The following GABRA2 variants were observed in gnomAD, a reference collection of about 807,000 sequenced individuals.
GABRA2 encodes gamma-aminobutyric acid receptor subunit alpha-2.
GABRA2 carries 16 observed loss-of-function variants against 48.7 expected under a neutral mutation model. The observed-to-expected ratio is 0.33, with a 90% CI of 0.22 to 0.50. The LOEUF (loss-of-function observed/expected upper bound fraction) is 0.50. Ranked by LOEUF, GABRA2 falls within the 20% of genes least tolerant of loss-of-function variation. The pLI, the probability that GABRA2 is intolerant of heterozygous loss-of-function variation, is 0.98. For missense variants in GABRA2, 275 were observed against 535.6 expected, an observed-to-expected ratio of 0.51 and a Z score of 4.80; for synonymous variants, 185 against 184.5, an observed-to-expected ratio of 1.00 and a Z score of -0.02.
At chr4:46,378,060 A>T (rs1329454240) in intron 3 of GABRA2, among the ~76,000 whole-genome samples, 7 of 150,948 alleles carry the variant, frequency 4.6e-5, no homozygotes, top group African/African-American at 1.7e-4. Context: ...CCACCCGGCC[A>T]GCCGCCCCAT....
intron 4 of GABRA2, among the ~76,000 whole-genome samples, chr4:46,330,723 A>G (rs1034324087): frequency 4.6e-5 from 7 of 151,862 alleles, no homozygotes; most frequent in Admixed American, 3.3e-4. Context: ...AAATGTACTG[A>G]TATTTGGGAG....
chr4:46,256,974 A>T (rs1193593215), intron 9 of GABRA2, among the ~76,000 whole-genome samples: 5 of 151,772 alleles, frequency 3.3e-5, no homozygotes, highest in Admixed American at 2.0e-4. Context: ...TCACTGACTC[A>T]GATTTAGAAT....
chr4:46,288,764 G>T (rs755898902), intron 8 of GABRA2, among the ~76,000 whole-genome samples: 1 of 151,944 alleles, frequency 6.6e-6, no homozygotes, highest in Non-Finnish European at 1.5e-5. Context: ...AACTATCAAC[G>T]GAGTGAAAAG....
chr4:46,260,915 C>T (rs935769406), intron 9 of GABRA2: 11 of 151,768 alleles, frequency 7.2e-5, no homozygotes, highest in African/African-American at 2.4e-4. Flanking sequence ...ACATTTACTG[C>T]TTGTATATTT....
At chr4:46,314,431 A>G (rs1728198501) in intron 4 of GABRA2, among the ~76,000 whole-genome samples, 1 of 152,080 alleles carries the variant, frequency 6.6e-6, no homozygotes, top group African/African-American at 2.4e-5. Context: ...TACAAACAGG[A>G]AGTTGCAAGT....
intron 4 of GABRA2, among the ~76,000 whole-genome samples, chr4:46,319,927 C>T (rs1160694478): frequency 6.6e-6 from 1 of 151,428 alleles, no homozygotes; most frequent in Admixed American, 6.6e-5. Context: ...CAAAATTATA[C>T]CAATTTCACA....
chr4:46,250,131 G>A lies in GABRA2; in HGVS notation c.*177C>T, dbSNP rs1714447325. The A allele has an allele frequency of 1.8e-6, 1 of 549,144 alleles. No homozygotes were observed. Among genetic ancestry groups the A allele is most frequent in the East Asian group, 2.9e-5 (1 of 34,656 alleles). The allele number at this position is 549,144 out of a possible 1,614,324, so 34.0% of individuals were successfully genotyped here. On this transcript the variant is annotated 3_prime_UTR_variant, in exon 10 of 10. Transcript: ENST00000381620. ...TTTTCGCATGGAGTGCTTTCTGTCT[G>A]CAGTTCCATGAGTTAGCAAATGCAT...
chr4:46,304,668 G>A (rs375143577), intron 7 of GABRA2, among the ~76,000 whole-genome samples: 20 of 151,998 alleles, frequency 1.3e-4, no homozygotes, highest in African/African-American at 3.6e-4. Context: ...ACTGGCTCAC[G>A]TCTGTAATCC....
chr4:46,360,566 G>T (rs1182643521), intron 3 of GABRA2, among the ~76,000 whole-genome samples: 2 of 152,252 alleles, frequency 1.3e-5, no homozygotes, highest in South Asian at 2.1e-4. Flanking sequence ...GCTGAGTCTT[G>T]GGTATGTCTT....
rs999095438 is a variant in GABRA2, at chr4:46,249,832, T to A, written c.*476A>T. On this transcript the variant is annotated 3_prime_UTR_variant, in exon 10 of 10. Transcript: ENST00000381620. ...ATGTGTACCAAGCTTCCAATTACAT[T>A]AGCAGGGACTCTGAGCACTCATGAA... 1 of 154,852 alleles carries A rather than the reference T, an allele frequency of 6.5e-6. No homozygotes were observed. Among genetic ancestry groups the A allele is most frequent in the African/African-American group, 2.4e-5 (1 of 41,370 alleles). The allele number at this position is 154,852 out of a possible 1,614,324, so 9.6% of individuals were successfully genotyped here.
At chr4:46,297,035 A>G (rs1449705992) in intron 8 of GABRA2, among the ~76,000 whole-genome samples, 2 of 152,112 alleles carry the variant, frequency 1.3e-5, no homozygotes, top group African/African-American at 4.8e-5. Context: ...TTTGAAGACT[A>G]TGTATGATCT....
chr4:46,268,829 T>C (rs1012571061), intron 8 of GABRA2, among the ~76,000 whole-genome samples: 2 of 151,834 alleles, frequency 1.3e-5, no homozygotes, highest in Non-Finnish European at 2.9e-5. Flanking sequence ...AAATGTGGTA[T>C]ATATGTACAA....
intron 4 of GABRA2, among the ~76,000 whole-genome samples, chr4:46,318,447 T>C (rs987468499): frequency 2.6e-5 from 4 of 151,578 alleles, no homozygotes; most frequent in African/African-American, 9.7e-5. Flanking sequence ...ATTCTTTGCA[T>C]AGCCACTAAG....
At chr4:46,371,880 T>C (rs1275097643) in intron 3 of GABRA2, among the ~76,000 whole-genome samples, 1 of 152,168 alleles carries the variant, frequency 6.6e-6, no homozygotes, top group African/African-American at 2.4e-5. Flanking sequence ...TTCTCTTCAC[T>C]ACATTATATT....
intron 8 of GABRA2, among the ~76,000 whole-genome samples, chr4:46,269,211 A>T (rs1403720661): frequency 1.3e-5 from 2 of 151,914 alleles, no homozygotes; most frequent in African/African-American, 4.8e-5. Flanking sequence ...TCATTACAAA[A>T]TGTTAAATAT....
intron 8 of GABRA2, among the ~76,000 whole-genome samples, chr4:46,300,774 A>G (rs1042174628): frequency 1.3e-5 from 2 of 152,050 alleles, no homozygotes; most frequent in Non-Finnish European, 2.9e-5. Flanking sequence ...TATAATTGTT[A>G]TATATGTTCA....
intron 4 of GABRA2, among the ~76,000 whole-genome samples, chr4:46,318,140 T>C (rs567472325): frequency 5.2e-4 from 78 of 151,352 alleles, no homozygotes; most frequent in African/African-American, 1.8e-3. Flanking sequence ...AAGAAAAATA[T>C]TAAAAAATAT....
At chr4:46,389,366 G>A in intron 1 of GABRA2, 1 of 985,370 alleles carries the variant, frequency 1.0e-6, no homozygotes, top group Non-Finnish European at 1.2e-6. Context: ...CAAGTGCTGC[G>A]AAACGACGCG....
At chr4:46,305,888 T>C (rs1726604911) in intron 6 of GABRA2, among the ~76,000 whole-genome samples, 177 bp from the exon 7 acceptor site, 1 of 152,180 alleles carries the variant, frequency 6.6e-6, no homozygotes, top group South Asian at 2.1e-4. Flanking sequence ...AGTTATGAAG[T>C]AGACCAAAAG....
Sources: allele counts gnomAD v4.1 joint callset (sites outside exome capture counted in the v4.1 genomes callset), GRCh38; gene constraint gnomAD v4.1.1; transcripts MANE v1.5; gene names NCBI Gene and HGNC (gene_info 2026-07-23, HGNC 2026-07-21).